HIKESHI: variants seen among roughly 807,000 people sequenced by gnomAD.
HIKESHI encodes protein Hikeshi.
Under a neutral mutation model 25.7 loss-of-function variants are expected in HIKESHI, and 13 were observed. The observed-to-expected ratio is 0.51, with a 90% confidence interval of 0.33 to 0.80. The LOEUF (loss-of-function observed/expected upper bound fraction) is 0.80. Ranked by LOEUF, HIKESHI falls within the 30% of genes least tolerant of loss-of-function variation. The pLI is 0.02. For missense variants in HIKESHI, 174 were observed against 229.5 expected, an observed-to-expected ratio of 0.76 and a Z score of 1.56; for synonymous variants, 76 against 78.7, an observed-to-expected ratio of 0.97 and a Z score of 0.18.
At position 86,331,993 on chromosome 11, in the gene HIKESHI, T is replaced by G. The variant is rs1324976062; in HGVS notation, c.269-5386T>G. Among the ~76,000 whole-genome samples, 8 of 151,130 alleles carry G rather than the reference T, an allele frequency of 5.3e-5. No individual in the cohort carries two copies. In the East Asian group the frequency reaches 1.5e-3, roughly 29 times the overall value. On this transcript the variant is annotated intron_variant, in intron 2 of 4. Coordinates refer to ENST00000278483, the MANE Select transcript of HIKESHI (RefSeq NM_016401.4). ...AACTGTTTTCTTTTCTTTTTTTTTT[T>G]TTTTTGCGACGGAGTCTTGCTCTGT...
In HIKESHI at chr11:86,340,043, T is replaced by G. The variant is rs969336127; in HGVS notation, c.420+2513T>G. Among the ~76,000 whole-genome samples, 4 of 152,248 alleles carry G rather than the reference T, an allele frequency of 2.6e-5. 1 individual carries two copies. Among genetic ancestry groups the G allele is most frequent in the African/African-American group, 9.6e-5 (4 of 41,534 alleles). ...GTGATAGTTTGCTCAGAATGATGGTTTCCAGCTTCATCCATGTCCCTGCAA... is the reference window on the plus strand; with the variant it reads ...GTGATAGTTTGCTCAGAATGATGGTGTCCAGCTTCATCCATGTCCCTGCAA... On this transcript the variant is annotated intron_variant, in intron 3 of 4. Coordinates refer to ENST00000278483, the MANE Select transcript of HIKESHI (RefSeq NM_016401.4).
chr11:86,316,726 C>G (rs1946989716), intron 2 of HIKESHI, among the ~76,000 whole-genome samples: 1 of 129,204 alleles, frequency 7.7e-6, no homozygotes, highest in Non-Finnish European at 1.6e-5. Flanking sequence ...AGGCAGCAAA[C>G]AAAATAATTA....
chr11:86,303,424 G>GAGACCCCTGTGGT (rs1413654978), intron 1 of HIKESHI: 1 of 983,832 alleles, frequency 1.0e-6, no homozygotes, highest in East Asian at 1.1e-4. Flanking sequence ...GAATGACTGG[G>GAGACCCCTGTGGT]AGACCCCTGT....
At chr11:86,311,206 G>C (rs891633363) in intron 2 of HIKESHI, among the ~76,000 whole-genome samples, 5 of 152,012 alleles carry the variant, frequency 3.3e-5, no homozygotes, top group Non-Finnish European at 5.9e-5. Flanking sequence ...TTTTTTGCTT[G>C]GTAGGCTATT....
chr11:86,329,476 C>G lies in HIKESHI; in HGVS notation c.269-7903C>G, dbSNP rs143174922. On this transcript the variant is annotated intron_variant, in intron 2 of 4. Transcript: ENST00000278483. The stretch of plus-strand genomic sequence containing the variant: ...TATATTGAATATCTTGTTAAAGTCC[C>G]TAATTAGCTCTAGTAGCTTTAGGAT... 1.8e-3 allele frequency among the ~76,000 whole-genome samples: 275 copies of G among 151,976 alleles called. 1 individual carries two copies. The highest frequency in any genetic ancestry group is 6.5e-3 in the African/African-American group (270 of 41,462).
intron 2 of HIKESHI, chr11:86,326,585 A>G: frequency 2.2e-6 from 1 of 456,120 alleles, no homozygotes; most frequent in Non-Finnish European, 4.4e-6. Flanking sequence ...ATATCACACC[A>G]AGACATTGTT....
rs144947680 is a variant in HIKESHI, at chr11:86,316,863, G to A, written c.268+10381G>A. 1.9e-3 allele frequency among the ~76,000 whole-genome samples: 249 copies of A among 128,998 alleles called. 1 individual carries two copies. Among genetic ancestry groups the A allele is most frequent in the African/African-American group, 7.4e-3 (243 of 32,882 alleles). 84.6% of individuals were successfully genotyped at this position (128,998 alleles called of 152,430 possible). A position where few individuals can be genotyped will look rare whatever the true frequency, so the allele number is the denominator to read the frequency against. ...GGCTGGAGTGCAGTGGCACAGTCTC[G>A]GCTCATTGCAAGCTCCACCTCCTGG... On this transcript the variant is annotated intron_variant, in intron 2 of 4. Transcript: ENST00000278483.
intron 3 of HIKESHI, chr11:86,344,288 T>C (rs1273751881): frequency 1.4e-5 from 3 of 221,978 alleles, no homozygotes; most frequent in Non-Finnish European, 2.6e-5. Flanking sequence ...TATTTCACAG[T>C]GTCATTGTAT....
At chr11:86,320,465 A>T (rs1211375959) in intron 2 of HIKESHI, among the ~76,000 whole-genome samples, 1 of 152,186 alleles carries the variant, frequency 6.6e-6, no homozygotes, top group African/African-American at 2.4e-5. Flanking sequence ...AATCCCAGCT[A>T]CTCGGGAGGC....
chr11:86,321,070 G>T (rs939575169), intron 2 of HIKESHI, among the ~76,000 whole-genome samples: 1 of 151,838 alleles, frequency 6.6e-6, no homozygotes, highest in Admixed American at 6.6e-5. Context: ...GAGTAGCTGG[G>T]ATTATAGGCG....
intron 2 of HIKESHI, among the ~76,000 whole-genome samples, chr11:86,321,566 G>T (rs968705326): frequency 1.4e-4 from 21 of 151,296 alleles, no homozygotes; most frequent in African/African-American, 4.9e-4. Context: ...GTGTCACTCT[G>T]TTGCCCAGGC....
In HIKESHI at chr11:86,302,484, G is replaced by A. The variant is rs775790749; in HGVS notation, c.30+6G>A. ...GCTTGGTGGCGGGGAGGCTGGTGAG[G>A]ATGGGACCGGGTGATATCAGGAAGG... On this transcript the variant is annotated splice_donor_region_variant and intron_variant, in intron 1 of 4. Coordinates refer to ENST00000278483, the MANE Select transcript of HIKESHI (RefSeq NM_016401.4). 5.8e-6 allele frequency: 9 copies of A among 1,557,912 alleles called. No homozygotes were observed. Among genetic ancestry groups the A allele is most frequent in the Non-Finnish European group, 7.8e-6 (9 of 1,150,678 alleles).
intron 2 of HIKESHI, among the ~76,000 whole-genome samples, chr11:86,317,478 TGAAAAG>T (rs1433159888): frequency 6.6e-6 from 1 of 152,162 alleles, no homozygotes; most frequent in Admixed American, 6.6e-5. Context: ...TCTGGTTCTT[TGAAAAG>T]ACTGATGAAA....
At chr11:86,334,953 T>G (rs1484471613) in intron 2 of HIKESHI, among the ~76,000 whole-genome samples, 1 of 152,212 alleles carries the variant, frequency 6.6e-6, no homozygotes, top group Non-Finnish European at 1.5e-5. Context: ...GAATCAACTT[T>G]TTTGGAACTC....
At chr11:86,328,944 A>G (rs950028098) in intron 2 of HIKESHI, among the ~76,000 whole-genome samples, 2 of 151,448 alleles carry the variant, frequency 1.3e-5, no homozygotes, top group Non-Finnish European at 2.9e-5. Context: ...ACACACACAC[A>G]CACGCTCCTC....
chr11:86,312,522 C>T lies in HIKESHI; in HGVS notation c.268+6040C>T, dbSNP rs181561678. ...CTTGACTCTTTATCCAATTTGCCAGCCTGTGTCTTTTAATTGGAGCATTTA... is the reference window on the plus strand; with the variant it reads ...CTTGACTCTTTATCCAATTTGCCAGTCTGTGTCTTTTAATTGGAGCATTTA... On this transcript the variant is annotated intron_variant, in intron 2 of 4. Coordinates refer to ENST00000278483, the MANE Select transcript of HIKESHI (RefSeq NM_016401.4). 2.8e-3 allele frequency among the ~76,000 whole-genome samples: 415 copies of T among 149,778 alleles called. 2 individuals are homozygous for T. Among genetic ancestry groups the T allele is most frequent in the Non-Finnish European group, 4.5e-3 (304 of 67,678 alleles).
At chr11:86,303,386 A>G in intron 1 of HIKESHI, 2 of 982,528 alleles carry the variant, frequency 2.0e-6, no homozygotes, top group Non-Finnish European at 2.4e-6. Context: ...TAAGTTGGAG[A>G]TGACTAGCCT....
Position 86,341,577 on chromosome 11 carries a change from C to G in HIKESHI, c.421-3026C>G, listed in dbSNP as rs542318230. Among the ~76,000 whole-genome samples, 4 of 151,958 alleles carry G rather than the reference C, an allele frequency of 2.6e-5. No individual in the cohort carries two copies. The South Asian group carries it at 8.3e-4, about 32-fold the overall frequency. Reference sequence around the variant, plus strand: ...TGGTGCAATCACAGCTCACTGCAGCCTCAAACTCCTGGGCTCCCACTAGTA... The same window carrying G: ...TGGTGCAATCACAGCTCACTGCAGCGTCAAACTCCTGGGCTCCCACTAGTA... On this transcript the variant is annotated intron_variant, in intron 3 of 4. Coordinates refer to ENST00000278483, the MANE Select transcript of HIKESHI (RefSeq NM_016401.4).
chr11:86,309,341 G>A (rs1008206414), intron 2 of HIKESHI, among the ~76,000 whole-genome samples: 13 of 152,208 alleles, frequency 8.5e-5, no homozygotes, highest in South Asian at 6.2e-4. Context: ...ATTTTTTCAC[G>A]TGTCTGTTGG....
Sources: allele counts gnomAD v4.1 joint callset (sites outside exome capture counted in the v4.1 genomes callset), GRCh38; gene constraint gnomAD v4.1.1; transcripts MANE v1.5; gene names NCBI Gene and HGNC (gene_info 2026-07-23, HGNC 2026-07-21).